The following PLXNA4 variants were observed in gnomAD, a reference collection of about 807,000 sequenced individuals.
PLXNA4 encodes plexin A4.
A neutral mutation model predicts 191.8 loss-of-function variants in PLXNA4; 44 were observed. The ratio of observed to expected loss-of-function variants is 0.23; its 90% confidence interval spans 0.18 to 0.29. PLXNA4 has a LOEUF of 0.29. Among genes scored for constraint, PLXNA4 ranks in the 10% least tolerant of loss-of-function variants. The pLI is 1.00. For missense variants in PLXNA4, 1,800 were observed against 2,488.8 expected, an observed-to-expected ratio of 0.72 and a Z score of 5.89; for synonymous variants, 1,082 against 1,009.5, an observed-to-expected ratio of 1.07 and a Z score of -1.36.
At chr7:132,528,154 C>T (rs1164799639) in intron 1 of PLXNA4, among the ~76,000 whole-genome samples, 4 of 152,180 alleles carry the variant, frequency 2.6e-5, no homozygotes, top group African/African-American at 9.7e-5. Context: ...GCTCGGAGAA[C>T]AGAGTAAGCA....
chr7:132,591,239 G>A (rs1802599145), intron 2 of PLXNA4, among the ~76,000 whole-genome samples: 1 of 152,150 alleles, frequency 6.6e-6, no homozygotes, highest in African/African-American at 2.4e-5. Context: ...CCCATGTTGG[G>A]GACAAGAGGG....
At chr7:132,594,564 A>T (rs564854127) in intron 2 of PLXNA4, among the ~76,000 whole-genome samples, 1 of 152,310 alleles carries the variant, frequency 6.6e-6, no homozygotes, top group Admixed American at 6.5e-5. Context: ...CTTCCACTTG[A>T]ACTTCCATTT....
chr7:132,613,804 T>C (rs1229684390), intron 2 of PLXNA4, among the ~76,000 whole-genome samples: 2 of 152,198 alleles, frequency 1.3e-5, no homozygotes, highest in Admixed American at 1.3e-4. Flanking sequence ...TATATTTTAA[T>C]AATTACATGT....
At chr7:132,473,409 G>T (rs994449040) in intron 3 of PLXNA4, among the ~76,000 whole-genome samples, 2 of 152,206 alleles carry the variant, frequency 1.3e-5, no homozygotes, top group African/African-American at 4.8e-5. Context: ...GGCAGTGGCG[G>T]CAGGTCCTTT....
chr7:132,550,115 G>C (rs1297046885), intron 1 of PLXNA4, among the ~76,000 whole-genome samples: 2 of 152,128 alleles, frequency 1.3e-5, no homozygotes, highest in Non-Finnish European at 2.9e-5. Context: ...TGCTGCCCAA[G>C]GGTAAGGTTT....
At chr7:132,285,029 T>G (rs1800631975) in intron 4 of PLXNA4, among the ~76,000 whole-genome samples, 1 of 152,156 alleles carries the variant, frequency 6.6e-6, no homozygotes, top group Admixed American at 6.6e-5. Context: ...TGGATTTTTT[T>G]TCAATAAAAC....
At chr7:132,484,823 G>T in intron 3 of PLXNA4, 3 of 1,613,978 alleles carry the variant, frequency 1.9e-6, no homozygotes, top group Non-Finnish European at 2.5e-6. Context: ...ATTTTAGGAA[G>T]AATTCCCAGG....
chr7:132,213,882 C>T (rs951331060), intron 9 of PLXNA4, among the ~76,000 whole-genome samples: 4 of 152,200 alleles, frequency 2.6e-5, no homozygotes, highest in African/African-American at 9.7e-5. Context: ...CTTCCCACCA[C>T]CTCCCGCCAT....
intron 3 of PLXNA4, among the ~76,000 whole-genome samples, chr7:132,429,227 A>G (rs1795172161): frequency 6.6e-6 from 1 of 152,210 alleles, no homozygotes; most frequent in African/African-American, 2.4e-5. Context: ...CCCCAGGCCA[A>G]CACTTTGTCC....
At chr7:132,520,122 C>T (rs374105147) in intron 1 of PLXNA4, among the ~76,000 whole-genome samples, 1 of 152,204 alleles carries the variant, frequency 6.6e-6, no homozygotes, top group Admixed American at 6.5e-5. Flanking sequence ...GCTGAAGTTT[C>T]TCTCCAAAGA....
At chr7:132,314,324 G>A (rs890413522) in intron 3 of PLXNA4, among the ~76,000 whole-genome samples, 1 of 152,188 alleles carries the variant, frequency 6.6e-6, no homozygotes, top group Non-Finnish European at 1.5e-5. Context: ...TTAAAAAATA[G>A]TAGGGTTTAT....
chr7:132,420,641 C>T (rs890050747), intron 3 of PLXNA4, among the ~76,000 whole-genome samples: 37 of 152,224 alleles, frequency 2.4e-4, no homozygotes, highest in African/African-American at 8.9e-4. Flanking sequence ...GTGTTAAGAA[C>T]ATTCCCATTG....
intron 7 of PLXNA4, 23 bp from the exon 8 acceptor site, chr7:132,226,283 G>C (rs745839463): frequency 5.0e-6 from 8 of 1,595,924 alleles, no homozygotes; most frequent in Non-Finnish European, 5.1e-6. Flanking sequence ...ATGGCTGAGG[G>C]GTCAGGGAAT....
chr7:132,591,216 C>A (rs1041758938), intron 2 of PLXNA4, among the ~76,000 whole-genome samples: 2 of 152,134 alleles, frequency 1.3e-5, no homozygotes, highest in Non-Finnish European at 2.9e-5. Context: ...GGGTGGGCCA[C>A]AGAAACACAG....
At chr7:132,193,913 A>T in intron 14 of PLXNA4, 149 bp downstream of exon 14, 1 of 965,218 alleles carries the variant, frequency 1.0e-6, no homozygotes. Context: ...GCTCTCACTC[A>T]CTATAAGACA....
intron 2 of PLXNA4, among the ~76,000 whole-genome samples, chr7:132,634,286 G>A (rs916608379): frequency 6.6e-6 from 1 of 152,250 alleles, no homozygotes; most frequent in African/African-American, 2.4e-5. Context: ...ACAAACAGTA[G>A]CAGTTCTCCT....
chr7:132,476,063 C>T lies in PLXNA4; in HGVS notation c.1371+13229G>A, dbSNP rs548623976. 3.6e-4 allele frequency among the ~76,000 whole-genome samples: 55 copies of T among 152,268 alleles called. 1 individual carries two copies. The highest frequency in any genetic ancestry group is 6.3e-4 in the Non-Finnish European group (43 of 68,016). On this transcript the variant is annotated intron_variant, in intron 3 of 31. Transcript: ENST00000321063. ...TATGCTTGCATGTGTGGGTGCCTCCCTGTGCGTGGGTGAACACAGGTGTGT... is the reference window on the plus strand; with the variant it reads ...TATGCTTGCATGTGTGGGTGCCTCCTTGTGCGTGGGTGAACACAGGTGTGT...
intron 1 of PLXNA4, among the ~76,000 whole-genome samples, chr7:132,563,501 C>T (rs1227066075): frequency 1.9e-4 from 17 of 90,046 alleles, no homozygotes; most frequent in East Asian, 7.6e-4. Context: ...TCCTTCTCCT[C>T]CTCCTCCTCC....
At position 132,125,081 on chromosome 7, in the gene PLXNA4, A is replaced by T. The variant is rs553220954; in HGVS notation, c.*5398T>A. ...CTTGCATGTCTGAAACTTTTACTGC[A>T]GTGGATTACTTTCCAAATGAGAGGA... On this transcript the variant is annotated 3_prime_UTR_variant, in exon 32 of 32. Coordinates refer to ENST00000321063, the MANE Select transcript of PLXNA4 (RefSeq NM_020911.2). 2.0e-5 allele frequency: 3 copies of T among 152,088 alleles called. No individual in the cohort carries two copies. The highest frequency in any genetic ancestry group is 4.4e-5 in the Non-Finnish European group (3 of 68,002). 9.4% of individuals were successfully genotyped at this position (152,088 alleles called of 1,614,324 possible). A position where few individuals can be genotyped will look rare whatever the true frequency, so the allele number is the denominator to read the frequency against.
Sources: allele counts gnomAD v4.1 joint callset (sites outside exome capture counted in the v4.1 genomes callset), GRCh38; gene constraint gnomAD v4.1.1; transcripts MANE v1.5; gene names NCBI Gene and HGNC (gene_info 2026-07-23, HGNC 2026-07-21).